ZNF423: variants seen among roughly 807,000 people sequenced by gnomAD.
The protein encoded by ZNF423 is zinc finger protein 423, also known as Ebf-associated zinc finger protein.
Under a neutral mutation model 95.8 loss-of-function variants are expected in ZNF423, and 12 were observed. That is an observed-to-expected ratio of 0.13 (90% CI 0.08 to 0.20). The LOEUF is 0.20. Among genes scored for constraint, ZNF423 ranks in the 10% least tolerant of loss-of-function variants. ZNF423 has a pLI of 1.00. For missense variants in ZNF423, 1,316 were observed against 1,737.1 expected, an observed-to-expected ratio of 0.76 and a Z score of 4.31; for synonymous variants, 749 against 711.9, an observed-to-expected ratio of 1.05 and a Z score of -0.83.
intron 2 of ZNF423, among the ~76,000 whole-genome samples, chr16:49,781,819 G>A (rs1201937114): frequency 6.6e-6 from 1 of 152,176 alleles, no homozygotes; most frequent in Non-Finnish European, 1.5e-5. Flanking sequence ...CAGGCTAAAA[G>A]AAAAATGGGA....
chr16:49,817,229 G>A (rs150367034), intron 1 of ZNF423, among the ~76,000 whole-genome samples: 1 of 152,358 alleles, frequency 6.6e-6, no homozygotes, highest in East Asian at 1.9e-4. Context: ...AGTCCTAGCA[G>A]CGGAGAGGGG....
At chr16:49,514,269 T>C (rs932971806) in intron 7 of ZNF423, among the ~76,000 whole-genome samples, 1 of 149,944 alleles carries the variant, frequency 6.7e-6, no homozygotes, top group Non-Finnish European at 1.5e-5. Flanking sequence ...CACATGCACA[T>C]ACACACACCA....
intron 2 of ZNF423, among the ~76,000 whole-genome samples, chr16:49,769,491 G>C (rs548318329): frequency 8.6e-5 from 13 of 151,986 alleles, no homozygotes; most frequent in Non-Finnish European, 1.6e-4. Context: ...ATGAGTACTT[G>C]GTCAGCCCCG....
At chr16:49,765,767 T>C (rs933159776) in intron 2 of ZNF423, among the ~76,000 whole-genome samples, 2 of 152,122 alleles carry the variant, frequency 1.3e-5, no homozygotes, top group African/African-American at 4.8e-5. Context: ...TTCTAATATA[T>C]GCTACAAGCT....
chr16:49,666,075 T>A (rs1333721537), intron 3 of ZNF423, among the ~76,000 whole-genome samples: 1 of 152,154 alleles, frequency 6.6e-6, no homozygotes, highest in East Asian at 1.9e-4. Flanking sequence ...AATAGTGCGA[T>A]CAAAACGCAG....
At chr16:49,534,783 A>G (rs983829772) in intron 5 of ZNF423, among the ~76,000 whole-genome samples, 2 of 152,002 alleles carry the variant, frequency 1.3e-5, no homozygotes, top group African/African-American at 4.8e-5. Context: ...TCCACCTTCA[A>G]AATGCTTCTG....
intron 6 of ZNF423, among the ~76,000 whole-genome samples, chr16:49,524,700 C>A (rs567794806): frequency 1.3e-5 from 2 of 152,234 alleles, no homozygotes; most frequent in South Asian, 4.1e-4. Flanking sequence ...TCCTGCCAGG[C>A]GTCCTCCCCA....
upstream of ZNF423, among the ~76,000 whole-genome samples, chr16:49,858,848 C>T (rs953855852): frequency 1.3e-5 from 2 of 152,152 alleles, no homozygotes; most frequent in Non-Finnish European, 2.9e-5. This position sits in a 1 kb window ranked among gnomAD's most constrained non-coding sequence, Gnocchi z 4.3. Context: ...CAGAATCAGC[C>T]GCTCCCCCAC....
rs1288469612 is a variant in ZNF423 at position 49,672,646 on chromosome 16, T to C, written c.302-33772A>G. Among the ~76,000 whole-genome samples the C allele has an allele frequency of 2.0e-5, 3 of 151,898 alleles. No homozygotes were observed. In the East Asian group the frequency reaches 5.8e-4, roughly 29 times the overall value. ...AGCCTGGCCAACATGGCGAAACCTGTCTCTACTAAAAATACAAAAATTAGC... is the reference window on the plus strand; with the variant it reads ...AGCCTGGCCAACATGGCGAAACCTGCCTCTACTAAAAATACAAAAATTAGC... On this transcript the variant is annotated intron_variant, in intron 3 of 7. Transcript: ENST00000563137.
chr16:49,583,264 G>C (rs1047648292), intron 5 of ZNF423, among the ~76,000 whole-genome samples: 4 of 152,140 alleles, frequency 2.6e-5, no homozygotes, highest in African/African-American at 9.7e-5. Flanking sequence ...TCCTATCCTT[G>C]GATGAAAGAA....
Position 49,635,158 on chromosome 16 carries a change from C to T in ZNF423, c.3516+502G>A, listed in dbSNP as rs547173552. Among the ~76,000 whole-genome samples the T allele has an allele frequency of 2.0e-5, 3 of 152,294 alleles. No homozygotes were observed. Among genetic ancestry groups the T allele is most frequent in the South Asian group, 2.1e-4 (1 of 4,812 alleles). On this transcript the variant is annotated intron_variant, in intron 4 of 7. Coordinates refer to ENST00000563137, the MANE Select transcript of ZNF423 (RefSeq NM_001379286.1). The surrounding 1 kb of genome is among the most constrained non-coding windows in gnomAD (Gnocchi z 4.8). ...CACTGAGCCATGAGTGCTGGGCTCTCGGCCCCTTGTGTGTGTGTGATCTCT... is the reference window on the plus strand; with the variant it reads ...CACTGAGCCATGAGTGCTGGGCTCTTGGCCCCTTGTGTGTGTGTGATCTCT...
At chr16:49,506,605 T>C (rs1284932012) in intron 7 of ZNF423, among the ~76,000 whole-genome samples, 2 of 139,830 alleles carry the variant, frequency 1.4e-5, no homozygotes, top group Non-Finnish European at 3.1e-5. Context: ...GGTAGATGAA[T>C]GAATAGATGG....
chr16:49,815,232 T>C (rs1319240873), intron 1 of ZNF423, among the ~76,000 whole-genome samples: 2 of 152,084 alleles, frequency 1.3e-5, no homozygotes, highest in Admixed American at 1.3e-4. Context: ...AATAACACTA[T>C]TATTTTCCCT....
rs568767240 is a variant in ZNF423 at position 49,712,175 on chromosome 16, A to ACATT, written c.301+18592_301+18595dup. 2.8e-3 allele frequency among the ~76,000 whole-genome samples: 431 copies of ACATT among 152,334 alleles called. 5 individuals are homozygous for ACATT. The highest frequency in any genetic ancestry group is 2.7e-3 in the Non-Finnish European group (187 of 68,038). ...TTATGTATTACTGTGATATTTGATC[A>ACATT]CATTTAATTGTTTTAAAATAATGAG... On this transcript the variant is annotated intron_variant, in intron 3 of 7. Transcript: ENST00000563137.
intron 2 of ZNF423, among the ~76,000 whole-genome samples, chr16:49,758,657 G>A (rs1316174953): frequency 1.3e-5 from 2 of 152,084 alleles, no homozygotes; most frequent in Admixed American, 6.6e-5. Flanking sequence ...TGAGAGGATC[G>A]CTTGAGTCTA....
chr16:49,654,117 A>G (rs1973514067), intron 3 of ZNF423, among the ~76,000 whole-genome samples: 1 of 152,244 alleles, frequency 6.6e-6, no homozygotes, highest in Non-Finnish European at 1.5e-5. Context: ...GCAATTAAGT[A>G]GAAGGAGCTT....
chr16:49,513,037 A>C (rs1384170175), intron 7 of ZNF423, among the ~76,000 whole-genome samples: 1 of 152,106 alleles, frequency 6.6e-6, no homozygotes, highest in Non-Finnish European at 1.5e-5. Context: ...CGGAGATTGC[A>C]GTGAGCCGAG....
At chr16:49,498,324 T>C (rs1262108997) in intron 7 of ZNF423, among the ~76,000 whole-genome samples, 1 of 152,238 alleles carries the variant, frequency 6.6e-6, no homozygotes, top group Non-Finnish European at 1.5e-5. Context: ...GCAGTCTGTC[T>C]GCAGAGCCCA....
chr16:49,500,322 C>T (rs1024619907), intron 7 of ZNF423, among the ~76,000 whole-genome samples: 1 of 152,168 alleles, frequency 6.6e-6, no homozygotes, highest in African/African-American at 2.4e-5. Context: ...TGCCAGGTGA[C>T]CACAAGTTCA....
Sources: allele counts gnomAD v4.1 joint callset (sites outside exome capture counted in the v4.1 genomes callset), GRCh38; gene constraint gnomAD v4.1.1; non-coding constraint Gnocchi (gnomAD v3.1); transcripts MANE v1.5; gene names NCBI Gene and HGNC (gene_info 2026-07-23, HGNC 2026-07-21).